The following SYNE1 variants were observed in gnomAD, a reference collection of about 807,000 sequenced individuals.
SYNE1 encodes nesprin-1.
SYNE1 carries 616 observed loss-of-function variants against 1,111.0 expected under a neutral mutation model. The ratio of observed to expected loss-of-function variants is 0.55; its 90% CI spans 0.52 to 0.59. SYNE1 has a LOEUF of 0.59. SYNE1 is among the 20% of genes least tolerant of loss of function. The pLI is 0.00. For missense variants in SYNE1, 10,006 were observed against 10,417.0 expected (o/e 0.96, Z 1.72); for synonymous variants, 3,855 against 3,825.8 (o/e 1.01, Z -0.28).
Position 152,152,092 on chromosome 6 carries a change from T to C in SYNE1, c.24179A>G (p.Asn8060Ser). Residue 8060 changes from asparagine (N) to serine (S), a missense_variant, in exon 134 of 146, where the codon AAC becomes AGC. Asn to Ser is a conservative substitution (Grantham distance 46, BLOSUM62 1). This residue lies in a region of SYNE1 where 2,182 missense variants were observed against 2,287.8 expected (regional missense o/e 0.95). Coordinates refer to ENST00000367255, the MANE Select transcript of SYNE1 (RefSeq NM_182961.4). ...HECLTQLELINKQYRRLAREN... is the reference protein window; with the variant it reads ...HECLTQLELISKQYRRLAREN... Reference sequence around the variant, plus strand: ...CCTGGCCAGGCGGCGGTACTGCTTGTTGATCAGTTCCAGCTGCGTCAGGCA... The same window carrying C: ...CCTGGCCAGGCGGCGGTACTGCTTGCTGATCAGTTCCAGCTGCGTCAGGCA... 1.9e-6 allele frequency: 3 copies of C among 1,614,200 alleles called. No individual in the cohort carries two copies. Among genetic ancestry groups the C allele is most frequent in the South Asian group, 2.2e-5 (2 of 91,080 alleles).
intron 3 of SYNE1, among the ~76,000 whole-genome samples, chr6:152,607,398 A>G (rs2099618780): frequency 6.6e-6 from 1 of 151,956 alleles, no homozygotes; most frequent in Non-Finnish European, 1.5e-5. Context: ...TTCTGAAGCA[A>G]CAGAAAAAAA....
rs766518899 is a variant in SYNE1 at position 152,416,537 on chromosome 6, C to G, written c.5900G>C (p.Gly1967Ala). The G allele has an allele frequency of 6.2e-7, 1 of 1,613,990 alleles. No homozygotes were observed. Among genetic ancestry groups the G allele is most frequent in the Admixed American group, 1.7e-5 (1 of 59,990 alleles). Residue 1967 changes from glycine to alanine, a missense_variant, in exon 41 of 146, where the codon GGA becomes GCA. Gly to Ala is a moderately conservative substitution (Grantham distance 60). Coordinates refer to ENST00000367255, the MANE Select transcript of SYNE1 (RefSeq NM_182961.4). Reference sequence around the variant, plus strand: ...AGCATCTGCCTCACTCTGCTTGGTTCCCAGAAGGTTCTGGATCCTCTCTAC... The same window carrying G: ...AGCATCTGCCTCACTCTGCTTGGTTGCCAGAAGGTTCTGGATCCTCTCTAC... ...GEVERIQNLLGTKQSEADALA... is the reference protein window; with the variant it reads ...GEVERIQNLLATKQSEADALA...
At chr6:152,479,874 G>A (rs972948533) in intron 14 of SYNE1, among the ~76,000 whole-genome samples, 8 of 152,132 alleles carry the variant, frequency 5.3e-5, no homozygotes, top group Admixed American at 2.0e-4. Context: ...GTGAACTCTC[G>A]GAAACACACC....
At position 152,447,126 on chromosome 6, in the gene SYNE1, C is replaced by A. The variant is rs1178795960; in HGVS notation, c.3669+332G>T. On this transcript the variant is annotated intron_variant, in intron 29 of 145. Coordinates refer to ENST00000367255, the MANE Select transcript of SYNE1 (RefSeq NM_182961.4). ...ACTCTAATCCTGGATTTCTTTGACCCTAAGCCTTATTCTTAGCCTCCATGA... is the reference window on the plus strand; with the variant it reads ...ACTCTAATCCTGGATTTCTTTGACCATAAGCCTTATTCTTAGCCTCCATGA... 3.9e-5 allele frequency among the ~76,000 whole-genome samples: 6 copies of A among 152,284 alleles called. No individual in the cohort carries two copies. The East Asian group carries it at 1.2e-3, about 29-fold the overall frequency.
At chr6:152,555,328 T>C (rs1564823798) in intron 3 of SYNE1, among the ~76,000 whole-genome samples, 1 of 152,212 alleles carries the variant, frequency 6.6e-6, no homozygotes. Flanking sequence ...TATAATACTG[T>C]ATTTTTACTG....
At chr6:152,506,700 C>T (rs998185745) in intron 8 of SYNE1, among the ~76,000 whole-genome samples, 1 of 151,964 alleles carries the variant, frequency 6.6e-6, no homozygotes, top group African/African-American at 2.4e-5. Context: ...TGCCACAATA[C>T]CTGGCTAATT....
At chr6:152,287,909 C>T (rs1023752667) in intron 95 of SYNE1, among the ~76,000 whole-genome samples, 2 of 152,108 alleles carry the variant, frequency 1.3e-5, no homozygotes, top group Non-Finnish European at 2.9e-5. Context: ...ATTTTTAAAA[C>T]GTGATTGCAA....
intron 145 of SYNE1, among the ~76,000 whole-genome samples, chr6:152,123,116 A>G (rs1468023351): frequency 2.0e-5 from 3 of 152,252 alleles, no homozygotes; most frequent in African/African-American, 7.2e-5. Context: ...CATACCAAGT[A>G]TCCCATCTAG....
intron 28 of SYNE1, among the ~76,000 whole-genome samples, chr6:152,449,079 C>A (rs1029414310): frequency 4.6e-5 from 7 of 152,186 alleles, no homozygotes; most frequent in Admixed American, 2.0e-4. Flanking sequence ...GCTGTACCCA[C>A]ACTGATAGAG....
At chr6:152,249,135 T>C (rs758414637) in intron 105 of SYNE1, 26 bp downstream of exon 105, 2 of 1,457,834 alleles carry the variant, frequency 1.4e-6, no homozygotes, top group Admixed American at 3.3e-5. Flanking sequence ...GCATTTTCTC[T>C]TCTAGGAAAA....
At chr6:152,288,047 G>C (rs976034583) in intron 95 of SYNE1, among the ~76,000 whole-genome samples, 2 of 151,850 alleles carry the variant, frequency 1.3e-5, no homozygotes, top group Admixed American at 1.3e-4. Context: ...TTTTGTGCCT[G>C]AATGCTAAAA....
intron 102 of SYNE1, among the ~76,000 whole-genome samples, chr6:152,256,146 C>T (rs947534223): frequency 1.3e-4 from 20 of 152,094 alleles, no homozygotes; most frequent in African/African-American, 4.6e-4. Context: ...TGGGGCCAGG[C>T]GCGGTGGCTC....
At position 152,401,289 on chromosome 6, in the gene SYNE1, T is replaced by G; in HGVS notation, c.6878A>C (p.Glu2293Ala). Residue 2293 changes from glutamate (E) to alanine (A), a missense_variant, in exon 47 of 146, where the codon GAA becomes GCA. Physicochemically the swap from Glu to Ala is moderately radical, Grantham distance 107 (BLOSUM62 -1). Transcript: ENST00000367255. ...QKLEHAKEITEVAKGTLKDFT... is the reference protein window; with the variant it reads ...QKLEHAKEITAVAKGTLKDFT... ...ATCCTTCAGGGTTCCTTTTGCTACT[T>G]CAGTTATTTCTTTGGCATGCTCCAG... is the stretch of plus-strand genomic sequence containing the variant. The G allele has an allele frequency of 6.2e-7, 1 of 1,614,092 alleles. No individual in the cohort carries two copies. Among genetic ancestry groups the G allele is most frequent in the Non-Finnish European group, 8.5e-7 (1 of 1,180,022 alleles).
In SYNE1 at chr6:152,262,135, G is replaced by A. The variant is rs773128965; in HGVS notation, c.18869C>T (p.Ser6290Phe). The change falls in exon 101 of 146, where the codon TCC (serine) becomes TTC (phenylalanine). Residue 6290 changes from serine to phenylalanine, a missense_variant. Physicochemically the swap from Ser to Phe is radical, Grantham distance 155. This residue lies in a region of SYNE1 where 2,182 missense variants were observed against 2,287.8 expected (regional missense o/e 0.95). Coordinates refer to ENST00000367255, the MANE Select transcript of SYNE1 (RefSeq NM_182961.4). ...QELGMEGEKSSAEDQMRMKWE... is the reference protein window; with the variant it reads ...QELGMEGEKSFAEDQMRMKWE... The stretch of plus-strand genomic sequence containing the variant: ...TTTCATTCTCATCTGGTCTTCAGCG[G>A]ATGATTTCTCCCCTTCCATCCCCAA... The A allele has an allele frequency of 2.5e-6, 4 of 1,613,838 alleles. No individual in the cohort carries two copies. The highest frequency in any genetic ancestry group is 2.5e-6 in the Non-Finnish European group (3 of 1,179,910).
At chr6:152,431,060 G>A (rs944393286) in intron 34 of SYNE1, among the ~76,000 whole-genome samples, 3 of 152,176 alleles carry the variant, frequency 2.0e-5, no homozygotes, top group Non-Finnish European at 4.4e-5. Flanking sequence ...AATTAACTGA[G>A]CTGGGGAAGC....
At chr6:152,343,461 A>C (rs1590623489) in intron 74 of SYNE1, among the ~76,000 whole-genome samples, 1 of 146,480 alleles carries the variant, frequency 6.8e-6, no homozygotes, top group African/African-American at 2.5e-5. Flanking sequence ...GCCCGGCCCC[A>C]TTCTCTTTCT....
chr6:152,123,931 C>T (rs565538952), intron 145 of SYNE1, among the ~76,000 whole-genome samples: 2 of 152,176 alleles, frequency 1.3e-5, no homozygotes, highest in South Asian at 2.1e-4. Flanking sequence ...GTGGGGGATG[C>T]GGAGTGACAC....
intron 91 of SYNE1, chr6:152,302,337 C>G (rs191922719): frequency 1.8e-6 from 1 of 541,008 alleles, no homozygotes; most frequent in Non-Finnish European, 3.3e-6. Flanking sequence ...TGAGTGGTTT[C>G]TAATCGCGAG....
At chr6:152,607,841 T>C (rs1381025010) in intron 3 of SYNE1, among the ~76,000 whole-genome samples, 1 of 152,234 alleles carries the variant, frequency 6.6e-6, no homozygotes, top group East Asian at 1.9e-4. Flanking sequence ...CACCATGGAA[T>C]GCTATACAGC....
Sources: gnomAD v4.1 joint callset for allele counts (sites outside exome capture counted in the v4.1 genomes callset) on GRCh38, gnomAD v4.1.1 for gene constraint, gnomAD v4.1.1 regional missense constraint, MANE v1.5 for transcripts, NCBI Gene and HGNC (gene_info 2026-07-23, HGNC 2026-07-21) for gene names.